EXTL1: variants seen among roughly 807,000 people sequenced by gnomAD.
EXTL1 encodes the protein exostosin like glycosyltransferase 1, also known as exostosin-like 1.
In EXTL1, 43 loss-of-function variants were observed where a neutral mutation model predicts 64.6. The ratio of observed to expected loss-of-function variants is 0.67; its 90% confidence interval spans 0.52 to 0.86. The LOEUF (loss-of-function observed/expected upper bound fraction) is 0.86. EXTL1 is among the 40% of genes least tolerant of loss of function. The pLI is 0.00. For missense variants in EXTL1, 766 were observed against 879.0 expected (o/e 0.87, Z 1.62); for synonymous variants, 352 against 360.5 (o/e 0.98, Z 0.27).
Position 26,033,781 on chromosome 1 carries a change from A to AT in EXTL1, c.1605dup (p.Gly536TrpfsTer8). ...TCGAGCCATTTCTGGGACGAGGCCC[A>AT]TGGTGGCTGGGGCTACACTGCTGAG... On this transcript the variant is annotated frameshift_variant, in exon 9 of 11. Transcript: ENST00000374280. LOFTEE classifies it high-confidence loss of function. This position sits in a 1 kb window ranked among gnomAD's most constrained non-coding sequence, Gnocchi z 5.1. 6.2e-7 allele frequency: 1 copy of AT among 1,614,214 alleles called. No individual in the cohort carries two copies. Among genetic ancestry groups the AT allele is most frequent in the Non-Finnish European group, 8.5e-7 (1 of 1,180,014 alleles).
rs745857201 is a variant in EXTL1, at chr1:26,035,523, T to A, written c.*176T>A. 2 of 493,102 alleles carry A rather than the reference T, an allele frequency of 4.1e-6. No individual in the cohort carries two copies. Among genetic ancestry groups the A allele is most frequent in the East Asian group, 6.3e-5 (2 of 31,834 alleles). The allele number at this position is 493,102 out of a possible 1,614,324, so 30.5% of individuals were successfully genotyped here. Reference sequence around the variant, plus strand: ...AGGGGGGCGTGGCCTTACCTTCTCCTGCTCGCCCTCAGCCGCGGAGCCTCT... The same window carrying A: ...AGGGGGGCGTGGCCTTACCTTCTCCAGCTCGCCCTCAGCCGCGGAGCCTCT... On this transcript the variant is annotated 3_prime_UTR_variant, in exon 11 of 11. Coordinates refer to ENST00000374280, the MANE Select transcript of EXTL1 (RefSeq NM_004455.3). The surrounding 1 kb of genome is among the most constrained non-coding windows in gnomAD (Gnocchi z 5.3).
chr1:26,029,292 ACCCCAATTTGAGCAT>A lies in EXTL1; in HGVS notation c.873+8_873+22del, dbSNP rs751013013. 95 of 1,610,982 alleles carry A rather than the reference ACCCCAATTTGAGCAT, an allele frequency of 5.9e-5. No homozygotes were observed. The highest frequency in any genetic ancestry group is 8.0e-5 in the Non-Finnish European group (94 of 1,177,446). On this transcript the variant is annotated splice_region_variant and intron_variant, in intron 2 of 10. Transcript: ENST00000374280. ...GCTTCCTCCAAGCCCTGCAGGTACAACCCCAATTTGAGCATCACCCATCCTCTGTCCCCCAGCACT... is the reference window on the plus strand; with the variant it reads ...GCTTCCTCCAAGCCCTGCAGGTACAACACCCATCCTCTGTCCCCCAGCACT...
rs1001592617 is a variant in EXTL1, at chr1:26,033,920, C to T, written c.1679+64C>T. The T allele has an allele frequency of 2.8e-5, 41 of 1,490,066 alleles. No homozygotes were observed. Among genetic ancestry groups the T allele is most frequent in the African/African-American group, 5.6e-5 (4 of 71,306 alleles). 92.3% of individuals were successfully genotyped at this position (1,490,066 alleles called of 1,614,324 possible). On this transcript the variant is annotated intron_variant, in intron 9 of 10. Coordinates refer to ENST00000374280, the MANE Select transcript of EXTL1 (RefSeq NM_004455.3). The surrounding 1 kb of genome is among the most constrained non-coding windows in gnomAD (Gnocchi z 5.1). The stretch of plus-strand genomic sequence containing the variant: ...AGGACCAGAGACCCCACCCCCACCC[C>T]GAACGGAGCAGAGTGGCCTAGACCC...
chr1:26,026,583 G>A (rs2050219074), intron 1 of EXTL1, among the ~76,000 whole-genome samples: 1 of 152,090 alleles, frequency 6.6e-6, no homozygotes, highest in South Asian at 2.1e-4. Context: ...CATGAGCCAC[G>A]GCGCCCAGCA....
At chr1:26,030,904 A>G (rs967708358) in intron 4 of EXTL1, among the ~76,000 whole-genome samples, 1 of 152,216 alleles carries the variant, frequency 6.6e-6, no homozygotes, top group Non-Finnish European at 1.5e-5. Flanking sequence ...AAAGAATGTC[A>G]TGACCCATTA....
At position 26,031,445 on chromosome 1, in the gene EXTL1, G is replaced by A; in HGVS notation, c.1235-15G>A. ...GTTCCCTCCCACTCTAATAGCCTGT[G>A]TCTCATTCCCCCAGGCTCCCGCCCT... On this transcript the variant is annotated splice_polypyrimidine_tract_variant and intron_variant, in intron 5 of 10. Coordinates refer to ENST00000374280, the MANE Select transcript of EXTL1 (RefSeq NM_004455.3). 1 of 1,509,246 alleles carries A rather than the reference G, an allele frequency of 6.6e-7. No individual in the cohort carries two copies. Among genetic ancestry groups the A allele is most frequent in the South Asian group, 1.2e-5 (1 of 82,614 alleles). The allele number at this position is 1,509,246 out of a possible 1,614,324, so 93.5% of individuals were successfully genotyped here. A position where few individuals can be genotyped will look rare whatever the true frequency, so the allele number is the denominator to read the frequency against.
chr1:26,024,889 CTTT>C (rs2124401642), intron 1 of EXTL1, among the ~76,000 whole-genome samples: 1 of 152,302 alleles, frequency 6.6e-6, no homozygotes, highest in Non-Finnish European at 1.5e-5. Flanking sequence ...GTCTGAACTT[CTTT>C]GAGAAACTGG....
chr1:26,029,264 C>G lies in EXTL1; in HGVS notation c.851C>G (p.Ser284Trp), dbSNP rs147835535. Reference protein sequence around the residue: ...LISGHRPEAASRFLQALQAGC... With the variant: ...LISGHRPEAAWRFLQALQAGC... ...TCTGGCCACCGTCCCGAGGCTGCCT[C>G]GCGCTTCCTCCAAGCCCTGCAGGTA... Residue 284 changes from serine to tryptophan, a missense_variant, in exon 2 of 11, where the codon TCG becomes TGG. Ser to Trp is a radical substitution (Grantham distance 177). Coordinates refer to ENST00000374280, the MANE Select transcript of EXTL1 (RefSeq NM_004455.3). 7 of 1,613,690 alleles carry G rather than the reference C, an allele frequency of 4.3e-6. No individual in the cohort carries two copies. The African/African-American group carries it at 9.4e-5, about 22-fold the overall frequency.
At chr1:26,026,980 C>G (rs992842116) in intron 1 of EXTL1, among the ~76,000 whole-genome samples, 1 of 152,246 alleles carries the variant, frequency 6.6e-6, no homozygotes, top group African/African-American at 2.4e-5. Flanking sequence ...AGACCACCCA[C>G]TGGCTGCACG....
chr1:26,035,671 C>T lies in EXTL1; in HGVS notation c.*324C>T. The T allele has an allele frequency of 3.4e-6, 1 of 290,970 alleles. No homozygotes were observed. The highest frequency in any genetic ancestry group is 6.4e-6 in the Non-Finnish European group (1 of 155,754). The allele number at this position is 290,970 out of a possible 1,614,324, so 18.0% of individuals were successfully genotyped here. On this transcript the variant is annotated 3_prime_UTR_variant, in exon 11 of 11. Transcript: ENST00000374280. This position sits in a 1 kb window ranked among gnomAD's most constrained non-coding sequence, Gnocchi z 5.3. ...CCTGGCCCTCCTCCCCCTCCGCCCCCAATGGGTTCGGTCTCCTTTGCGCTT... is the reference window on the plus strand; with the variant it reads ...CCTGGCCCTCCTCCCCCTCCGCCCCTAATGGGTTCGGTCTCCTTTGCGCTT...
chr1:26,024,081 TAAAG>T (rs1366823504), intron 1 of EXTL1, among the ~76,000 whole-genome samples: 1 of 152,222 alleles, frequency 6.6e-6, no homozygotes, highest in East Asian at 1.9e-4. Flanking sequence ...AGGTCAGATC[TAAAG>T]AATTTCCTGC....
At position 26,033,954 on chromosome 1, in the gene EXTL1, CAGGTTCAAGG is replaced by C; in HGVS notation, c.1679+99_1679+108del. On this transcript the variant is annotated intron_variant, in intron 9 of 10. Coordinates refer to ENST00000374280, the MANE Select transcript of EXTL1 (RefSeq NM_004455.3). The surrounding 1 kb of genome is among the most constrained non-coding windows in gnomAD (Gnocchi z 5.1). ...CAGAGTGGCCTAGACCCCAGGGATC[CAGGTTCAAGG>C]CCGAGATCTGCCACTTCCCAGCTGT... The C allele has an allele frequency of 8.9e-7, 1 of 1,126,898 alleles. No individual in the cohort carries two copies. 69.8% of individuals were successfully genotyped at this position (1,126,898 alleles called of 1,614,324 possible). A position where few individuals can be genotyped will look rare whatever the true frequency, so the allele number is the denominator to read the frequency against.
In EXTL1 at chr1:26,032,484, A is replaced by G. The variant is rs1310622919; in HGVS notation, c.1430A>G (p.Lys477Arg). The G allele has an allele frequency of 1.3e-6, 2 of 1,550,774 alleles. No individual in the cohort carries two copies. The highest frequency in any genetic ancestry group is 1.7e-6 in the Non-Finnish European group (2 of 1,146,416). ...TTGACAGTCATTGATGGGCACAGGA[A>G]GGTAAGGGATGAGGAGAGCCATGAA... ...VPLTVIDGHR[K>R]VSDRFYPYST... is the part of the protein sequence containing the mutation. The change falls in exon 7 of 11, where the codon AAG (lysine) becomes AGG (arginine). Residue 477 changes from lysine (K) to arginine (R), a missense_variant and splice_region_variant. Coordinates refer to ENST00000374280, the MANE Select transcript of EXTL1 (RefSeq NM_004455.3).
Position 26,033,156 on chromosome 1 carries a change from A to G in EXTL1, c.1432-73A>G. On this transcript the variant is annotated intron_variant, in intron 7 of 10. Coordinates refer to ENST00000374280, the MANE Select transcript of EXTL1 (RefSeq NM_004455.3). The surrounding 1 kb of genome is among the most constrained non-coding windows in gnomAD (Gnocchi z 5.1). The stretch of plus-strand genomic sequence containing the variant: ...GCTCAGGCGTCTACACTGTGCCTGA[A>G]TGGCTCCTACTTATTGGATGGGGGT... The G allele has an allele frequency of 9.2e-7, 1 of 1,084,274 alleles. No individual in the cohort carries two copies. Among genetic ancestry groups the G allele is most frequent in the Non-Finnish European group, 1.4e-6 (1 of 698,236 alleles). 67.2% of individuals were successfully genotyped at this position (1,084,274 alleles called of 1,614,324 possible). A position where few individuals can be genotyped will look rare whatever the true frequency, so the allele number is the denominator to read the frequency against.
intron 4 of EXTL1, 95 bp downstream of exon 4, chr1:26,030,690 C>T (rs976406969): frequency 5.1e-6 from 7 of 1,359,608 alleles, no homozygotes; most frequent in African/African-American, 2.9e-5. Context: ...TTGGGGAACC[C>T]CCCCCCCTTC....
chr1:26,032,524 G>T (rs1401088734), intron 7 of EXTL1, 39 bp downstream of exon 7: 1 of 1,481,528 alleles, frequency 6.7e-7, no homozygotes, highest in Non-Finnish European at 9.2e-7. Context: ...GTGGGCCCAT[G>T]CTGGGAGCTG....
intron 7 of EXTL1, 88 bp downstream of exon 7, chr1:26,032,573 C>A: frequency 2.1e-6 from 2 of 957,606 alleles, no homozygotes; most frequent in Non-Finnish European, 3.2e-6. Context: ...AATACTTGGG[C>A]CTGAGCCGCA....
rs1158080395 is a variant in EXTL1, at chr1:26,033,148, G to C, written c.1432-81G>C. 1.0e-6 allele frequency: 1 copy of C among 993,480 alleles called. No homozygotes were observed. The highest frequency in any genetic ancestry group is 1.6e-6 in the Non-Finnish European group (1 of 616,770). 61.5% of individuals were successfully genotyped at this position (993,480 alleles called of 1,614,324 possible). A position where few individuals can be genotyped will look rare whatever the true frequency, so the allele number is the denominator to read the frequency against. Reference sequence around the variant, plus strand: ...TATTCATGGCTCAGGCGTCTACACTGTGCCTGAATGGCTCCTACTTATTGG... The same window carrying C: ...TATTCATGGCTCAGGCGTCTACACTCTGCCTGAATGGCTCCTACTTATTGG... On this transcript the variant is annotated intron_variant, in intron 7 of 10. Transcript: ENST00000374280. This position sits in a 1 kb window ranked among gnomAD's most constrained non-coding sequence, Gnocchi z 5.1.
Position 26,022,633 on chromosome 1 carries a change from C to G in EXTL1, c.-14C>G. The G allele has an allele frequency of 6.4e-7, 1 of 1,568,900 alleles. No individual in the cohort carries two copies. The highest frequency in any genetic ancestry group is 8.6e-7 in the Non-Finnish European group (1 of 1,156,122). The stretch of plus-strand genomic sequence containing the variant: ...GGCCTCCCAGCTTCCCTAGCCCTGA[C>G]TGTGGGTGGCCACATGCAGTCGTGG... On this transcript the variant is annotated 5_prime_UTR_variant, in exon 1 of 11. Coordinates refer to ENST00000374280, the MANE Select transcript of EXTL1 (RefSeq NM_004455.3).
Sources: gnomAD v4.1 joint callset for allele counts (sites outside exome capture counted in the v4.1 genomes callset) on GRCh38, gnomAD v4.1.1 for gene constraint, Gnocchi (gnomAD v3.1) non-coding constraint, MANE v1.5 for transcripts, NCBI Gene and HGNC (gene_info 2026-07-23, HGNC 2026-07-21) for gene names.